The following TRRAP variants were observed in gnomAD, a reference collection of about 807,000 sequenced individuals.
TRRAP encodes the protein transformation/transcription domain-associated protein.
Under a neutral mutation model 438.8 loss-of-function variants are expected in TRRAP, and 41 were observed. The ratio of observed to expected loss-of-function variants is 0.09; its 90% CI spans 0.07 to 0.12. The LOEUF (loss-of-function observed/expected upper bound fraction) is 0.12. Among genes scored for constraint, TRRAP ranks in the 10% least tolerant of loss-of-function variants. The probability of loss-of-function intolerance (pLI) is 1.00; values close to 1 mark genes in which losing one functional copy is unlikely to be tolerated. For missense variants in TRRAP, 3,122 were observed against 5,055.1 expected (o/e 0.62, Z 11.60); for synonymous variants, 1,994 against 1,962.9 (o/e 1.02, Z -0.42).
intron 20 of TRRAP, among the ~76,000 whole-genome samples, chr7:98,920,091 G>A (rs1554410230): frequency 6.6e-6 from 1 of 152,194 alleles, no homozygotes; most frequent in Non-Finnish European, 1.5e-5. Context: ...ATTTTGCTTG[G>A]TTTAGAGAAA....
Position 98,976,733 on chromosome 7 carries a change from A to T in TRRAP, c.8210A>T (p.Glu2737Val), listed in dbSNP as rs1395193023. Residue 2737 changes from glutamate (E) to valine (V), a missense_variant, in exon 55 of 73, where the codon GAG (glutamate) becomes GTG (valine). Transcript: ENST00000456197. This position sits in a 1 kb window ranked among gnomAD's most constrained non-coding sequence, Gnocchi z 4.6. ...CAGATTAAGCCGAAGCAAACAACGG[A>T]GTTTTATGAGCAGGAGAGCATCACC... ...SLQIKPKQTTEFYEQESITPP... is the reference protein window; with the variant it reads ...SLQIKPKQTTVFYEQESITPP... 1 of 1,613,912 alleles carries T rather than the reference A, an allele frequency of 6.2e-7. No individual in the cohort carries two copies. The highest frequency in any genetic ancestry group is 8.5e-7 in the Non-Finnish European group (1 of 1,180,020).
intron 39 of TRRAP, among the ~76,000 whole-genome samples, chr7:98,952,162 A>G (rs1465996612): frequency 1.3e-5 from 2 of 152,172 alleles, no homozygotes; most frequent in Non-Finnish European, 2.9e-5. Flanking sequence ...AGCGGTTAGG[A>G]TACTTAGTTG....
intron 31 of TRRAP, 127 bp downstream of exon 31, chr7:98,943,144 A>G (rs1332174579): frequency 2.3e-6 from 2 of 865,798 alleles, no homozygotes; most frequent in Non-Finnish European, 3.6e-6. Flanking sequence ...GTCCTTGTAA[A>G]TTGTTAAACA....
Position 98,988,768 on chromosome 7 carries a change from C to T in TRRAP, c.9393C>T (p.Ser3131=), listed in dbSNP as rs748729725. The T allele has an allele frequency of 2.5e-6, 4 of 1,613,918 alleles. No homozygotes were observed. The highest frequency in any genetic ancestry group is 3.4e-6 in the Non-Finnish European group (4 of 1,180,010). ...KGMFLAQINK[S]EEANKAFSAA... ...TTGGTTTTCTGTCTCCTCACAGGTCCGAGGAGGCAAACAAAGCCTTCTCTG... is the reference window on the plus strand; with the variant it reads ...TTGGTTTTCTGTCTCCTCACAGGTCTGAGGAGGCAAACAAAGCCTTCTCTG... Residue 3131 remains serine, a synonymous_variant, in exon 63 of 73, where the codon TCC becomes TCT. Coordinates refer to ENST00000456197, the MANE Select transcript of TRRAP (RefSeq NM_001375524.1).
Position 98,967,615 on chromosome 7 carries a change from G to A in TRRAP, c.7429G>A (p.Val2477Ile). 6.2e-7 allele frequency: 1 copy of A among 1,614,122 alleles called. No homozygotes were observed. The highest frequency in any genetic ancestry group is 8.5e-7 in the Non-Finnish European group (1 of 1,180,030). ...EVFDNSMKRR[V>I]YERLLYVTCS... ...TTTTGACAACTCCATGAAACGTCGT[G>A]TCTACGAGCGCTTGCTCTATGTGAC... The change falls in exon 51 of 73, where the codon GTC (valine) becomes ATC (isoleucine). Residue 2477 changes from valine (V) to isoleucine (I), a missense_variant. Val to Ile is a conservative substitution (Grantham distance 29, BLOSUM62 3). Transcript: ENST00000456197.
chr7:98,880,982 G>A (rs76861359), intron 1 of TRRAP, 108 bp from the exon 2 acceptor site: 14,813 of 445,980 alleles, frequency 0.033, 333 homozygotes, highest in South Asian at 0.048. Flanking sequence ...TTAGATTCTG[G>A]ATTAAGATGA....
In TRRAP at chr7:98,974,154, G is replaced by A. The variant is rs148688298; in HGVS notation, c.7840-1995G>A. 2.6e-3 allele frequency among the ~76,000 whole-genome samples: 389 copies of A among 152,276 alleles called. 1 individual carries two copies. The highest frequency in any genetic ancestry group is 4.4e-3 in the Non-Finnish European group (296 of 68,008). ...TCCCTCAGGAGGCGAGATGGGTGCC[G>A]GGGTAAAGCAGCCAGGGCTGGTGGG... On this transcript the variant is annotated intron_variant, in intron 53 of 72. Transcript: ENST00000456197.
At chr7:98,944,993 T>C (rs310741) in intron 31 of TRRAP, among the ~76,000 whole-genome samples, 22,620 of 152,096 alleles carry the variant, frequency 0.15, 5,284 homozygotes, top group African/African-American at 0.5. Context: ...TTAGTAGAGA[T>C]GGGGTTTCAC....
At chr7:98,942,906 C>A in intron 30 of TRRAP, 43 bp from the exon 31 acceptor site, 2 of 1,603,544 alleles carry the variant, frequency 1.2e-6, no homozygotes, top group Non-Finnish European at 1.7e-6. Flanking sequence ...CAGTGGAATG[C>A]ACCTACTGTG....
intron 23 of TRRAP, among the ~76,000 whole-genome samples, chr7:98,927,887 G>A (rs1047897687): frequency 1.3e-5 from 2 of 152,142 alleles, no homozygotes; most frequent in Non-Finnish European, 2.9e-5. Context: ...GTGGTGAAGG[G>A]CCACTTGTAT....
At chr7:98,933,114 C>G in intron 26 of TRRAP, 127 bp from the exon 27 acceptor site, 2 of 1,283,614 alleles carry the variant, frequency 1.6e-6, no homozygotes, top group Non-Finnish European at 2.1e-6. Flanking sequence ...TGAAATGTAT[C>G]TCCCGTTCCC....
intron 67 of TRRAP, among the ~76,000 whole-genome samples, chr7:99,001,637 C>T (rs1461681949): frequency 1.3e-5 from 2 of 152,204 alleles, no homozygotes; most frequent in South Asian, 2.1e-4. Context: ...ACAGCCAGAG[C>T]TCATCCACCT....
At chr7:98,992,711 G>T (rs1291991496) in intron 65 of TRRAP, among the ~76,000 whole-genome samples, 1 of 152,174 alleles carries the variant, frequency 6.6e-6, no homozygotes, top group African/African-American at 2.4e-5. Flanking sequence ...GCCCTTGTAT[G>T]CAAAGCAACA....
At chr7:98,887,695 A>C (rs1795774471) in intron 3 of TRRAP, among the ~76,000 whole-genome samples, 2 of 127,264 alleles carry the variant, frequency 1.6e-5, no homozygotes, top group Admixed American at 1.1e-4. Context: ...GTACCATTGC[A>C]CTCCAGCCTG....
chr7:98,949,348 A>T, intron 35 of TRRAP, 69 bp from the exon 36 acceptor site: 1 of 1,397,490 alleles, frequency 7.2e-7, no homozygotes, highest in South Asian at 2.0e-5. Flanking sequence ...AAGATTTAAC[A>T]TTCATATCCT....
chr7:98,941,112 A>T (rs1554415504), intron 30 of TRRAP, among the ~76,000 whole-genome samples: 1 of 152,124 alleles, frequency 6.6e-6, no homozygotes, highest in Non-Finnish European at 1.5e-5. Flanking sequence ...TTTGCATATG[A>T]TGTTCAGTTT....
intron 67 of TRRAP, among the ~76,000 whole-genome samples, chr7:99,003,336 A>C (rs1794018027): frequency 6.6e-6 from 1 of 152,228 alleles, no homozygotes; most frequent in South Asian, 2.1e-4. Flanking sequence ...ATCCTGCATT[A>C]GTTCCTTCTC....
Position 98,914,718 on chromosome 7 carries a change from CAAAAAAAAAAAA to C in TRRAP, c.2200-987_2200-976del, listed in dbSNP as rs71118646. Among the ~76,000 whole-genome samples, 35 of 41,306 alleles carry C rather than the reference CAAAAAAAAAAAA, an allele frequency of 8.5e-4. 1 individual carries two copies. The South Asian group carries it at 0.025, about 30-fold the overall frequency. The allele number at this position is 41,306 out of a possible 152,430, so 27.1% of individuals were successfully genotyped here. ...TGGGAGACAGAGTGAGACCCTGTCT[CAAAAAAAAAAAA>C]AAAAAAAAAAAAAAAAAGACAGAAA... On this transcript the variant is annotated intron_variant, in intron 18 of 72. Transcript: ENST00000456197.
rs782593506 is a variant in TRRAP, at chr7:98,935,647, A to G, written c.4083A>G (p.Ser1361=). The change falls in exon 28 of 73, where the codon TCA becomes TCG. Residue 1361 remains serine (S), a synonymous_variant. Coordinates refer to ENST00000456197, the MANE Select transcript of TRRAP (RefSeq NM_001375524.1). ...TGCCCTGTTATAAAAGCCTTCCGTC[A>G]CTCGTACCTTTACGAATTGCGGCAT... The part of the protein sequence containing the change: ...TKLPCYKSLP[S]LVPLRIAALN... 2 of 1,600,400 alleles carry G rather than the reference A, an allele frequency of 1.2e-6. No individual in the cohort carries two copies. Among genetic ancestry groups the G allele is most frequent in the Non-Finnish European group, 1.7e-6 (2 of 1,169,018 alleles).
Sources: gnomAD v4.1 joint callset for allele counts (sites outside exome capture counted in the v4.1 genomes callset) on GRCh38, gnomAD v4.1.1 for gene constraint, Gnocchi (gnomAD v3.1) non-coding constraint, MANE v1.5 for transcripts, NCBI Gene and HGNC (gene_info 2026-07-23, HGNC 2026-07-21) for gene names.